Variants in TAFA2 observed in about 807,000 individuals in gnomAD.
The protein encoded by TAFA2 is chemokine-like protein TAFA-2.
Under a neutral mutation model 18.8 loss-of-function variants are expected in TAFA2, and 7 were observed. The ratio of observed to expected loss-of-function variants is 0.37; its 90% CI spans 0.21 to 0.70. The LOEUF (loss-of-function observed/expected upper bound fraction) is 0.70. TAFA2 is among the 30% of genes least tolerant of loss of function. TAFA2 has a pLI of 0.53. For missense variants in TAFA2, 122 were observed against 158.1 expected (o/e 0.77, Z 1.23); for synonymous variants, 60 against 54.2 (o/e 1.11, Z -0.47).
intron 1 of TAFA2, among the ~76,000 whole-genome samples, chr12:62,039,909 A>G (rs1881713028): frequency 2.0e-5 from 3 of 152,122 alleles, no homozygotes; most frequent in Admixed American, 6.5e-5. Flanking sequence ...ATATCCAAAA[A>G]TCTCCTAGGT....
At chr12:62,059,125 A>G (rs1471119327) in intron 1 of TAFA2, among the ~76,000 whole-genome samples, 1 of 82,708 alleles carries the variant, frequency 1.2e-5, no homozygotes, top group African/African-American at 4.2e-5. Flanking sequence ...AATAATATAT[A>G]TATATGTGTG....
At chr12:62,152,909 G>C (rs928327045) in intron 1 of TAFA2, among the ~76,000 whole-genome samples, 4 of 152,186 alleles carry the variant, frequency 2.6e-5, no homozygotes, top group African/African-American at 4.8e-5. Context: ...GTGATACGTT[G>C]ATGTCTAGCA....
chr12:61,760,365 AAT>A (rs71083956), intron 2 of TAFA2, among the ~76,000 whole-genome samples: 15,409 of 122,044 alleles, frequency 0.13, 1,716 homozygotes, highest in East Asian at 0.23. Context: ...AAAATATCAA[AAT>A]ATATATATAT....
At chr12:61,951,433 CAA>C (rs1189764407) in intron 1 of TAFA2, among the ~76,000 whole-genome samples, 1 of 152,046 alleles carries the variant, frequency 6.6e-6, no homozygotes. Context: ...CTGAAAATAA[CAA>C]AGAGTAATGT....
intron 1 of TAFA2, among the ~76,000 whole-genome samples, chr12:62,090,321 G>A (rs1338758060): frequency 6.6e-6 from 1 of 152,044 alleles, no homozygotes; most frequent in Admixed American, 6.6e-5. Context: ...TGAACAAAAT[G>A]CCTTGGCAGT....
At chr12:61,721,443 C>A (rs1032555966) in intron 4 of TAFA2, among the ~76,000 whole-genome samples, 2 of 152,084 alleles carry the variant, frequency 1.3e-5, no homozygotes, top group African/African-American at 4.8e-5. Flanking sequence ...TTTGCTGAGG[C>A]AGGAATTTGA....
At chr12:61,734,680 C>G (rs1868275804) in intron 4 of TAFA2, among the ~76,000 whole-genome samples, 1 of 151,948 alleles carries the variant, frequency 6.6e-6, no homozygotes, top group Non-Finnish European at 1.5e-5. Flanking sequence ...ATTTTCATGA[C>G]TTGGAGGCTA....
At chr12:61,872,599 G>A (rs1263020086) in intron 1 of TAFA2, among the ~76,000 whole-genome samples, 6 of 151,940 alleles carry the variant, frequency 3.9e-5, no homozygotes, top group Non-Finnish European at 8.8e-5. Flanking sequence ...TCTTACTGGA[G>A]AAAAAAACCA....
chr12:62,255,170 A>G (rs936081737), intron 1 of TAFA2: 2 of 152,230 alleles, frequency 1.3e-5, no homozygotes, highest in African/African-American at 2.4e-5. Flanking sequence ...TTAAATGAGT[A>G]TAAAAATTTA....
chr12:61,799,619 G>C (rs1255314005), intron 2 of TAFA2, among the ~76,000 whole-genome samples: 2 of 152,068 alleles, frequency 1.3e-5, no homozygotes, highest in African/African-American at 2.4e-5. Flanking sequence ...TCAGGAAATC[G>C]AGACCATCCT....
At chr12:61,973,890 C>T (rs1451445219) in intron 1 of TAFA2, among the ~76,000 whole-genome samples, 1 of 151,620 alleles carries the variant, frequency 6.6e-6, no homozygotes, top group Admixed American at 6.6e-5. Flanking sequence ...AGTTTGAGAA[C>T]CAGTGCTTTA....
At chr12:61,804,127 C>G (rs1293799712) in intron 2 of TAFA2, among the ~76,000 whole-genome samples, 1 of 150,634 alleles carries the variant, frequency 6.6e-6, no homozygotes, top group East Asian at 2.0e-4. Flanking sequence ...TCTTGTGAGA[C>G]CTGGAGTATC....
At chr12:61,882,417 A>G (rs1361234864) in intron 1 of TAFA2, among the ~76,000 whole-genome samples, 1 of 152,174 alleles carries the variant, frequency 6.6e-6, no homozygotes, top group South Asian at 2.1e-4. Context: ...GATTGGGGGG[A>G]AAATAGAGTA....
chr12:61,759,326 C>T (rs1351954032), intron 2 of TAFA2, among the ~76,000 whole-genome samples: 5 of 151,968 alleles, frequency 3.3e-5, no homozygotes, highest in South Asian at 4.1e-4. Flanking sequence ...AAGGGCATGA[C>T]GTGCTTTGTC....
chr12:61,852,668 G>A (rs1025984528), intron 2 of TAFA2, among the ~76,000 whole-genome samples: 2 of 152,150 alleles, frequency 1.3e-5, no homozygotes, highest in Non-Finnish European at 2.9e-5. Flanking sequence ...AGTGGAACTA[G>A]CTACAGCTTT....
At chr12:62,037,248 G>A (rs1050989506) in intron 1 of TAFA2, among the ~76,000 whole-genome samples, 7 of 152,116 alleles carry the variant, frequency 4.6e-5, no homozygotes, top group African/African-American at 1.4e-4. Context: ...ATCTGTGCTC[G>A]AAAACTATTG....
At chr12:61,889,752 C>T (rs747453629) in intron 1 of TAFA2, among the ~76,000 whole-genome samples, 1 of 152,044 alleles carries the variant, frequency 6.6e-6, no homozygotes, top group Admixed American at 6.5e-5. Context: ...ATGTTTTTGC[C>T]GAATACTACT....
At position 62,185,670 on chromosome 12, in the gene TAFA2, A is replaced by G. The variant is rs146311840; in HGVS notation, c.-2+5589T>C. Among the ~76,000 whole-genome samples the G allele has an allele frequency of 7.9e-4, 120 of 152,314 alleles. No individual in the cohort carries two copies. In the East Asian group the frequency reaches 0.022, roughly 28 times the overall value. On this transcript the variant is annotated intron_variant, in intron 1 of 4. Coordinates refer to ENST00000416284, the MANE Select transcript of TAFA2 (RefSeq NM_178539.5). ...TGGACAGTGCCTCTGTGAAATTAGA[A>G]CTGTCTATAAGCTAGTAATGATAAA... is the stretch of plus-strand genomic sequence containing the variant.
At chr12:61,754,228 CAG>C (rs949529267) in intron 3 of TAFA2, among the ~76,000 whole-genome samples, 10 of 151,900 alleles carry the variant, frequency 6.6e-5, no homozygotes, top group Non-Finnish European at 1.2e-4. Flanking sequence ...GGGTGTTTAT[CAG>C]AGTTATCATA....
Sources: gnomAD v4.1 joint callset for allele counts (sites outside exome capture counted in the v4.1 genomes callset) on GRCh38, gnomAD v4.1.1 for gene constraint, MANE v1.5 for transcripts, NCBI Gene and HGNC (gene_info 2026-07-23, HGNC 2026-07-21) for gene names.